RBM19: variants seen among roughly 807,000 people sequenced by gnomAD.
The protein encoded by RBM19 is RNA binding motif protein 19.
Under a neutral mutation model 116.8 loss-of-function variants are expected in RBM19, and 94 were observed. The observed-to-expected ratio is 0.80, with a 90% CI of 0.68 to 0.95. The LOEUF (loss-of-function observed/expected upper bound fraction) is 0.95, where lower values mean the gene tolerates loss of function less well. RBM19 is among the 40% of genes least tolerant of loss of function. The probability of loss-of-function intolerance (pLI) is 0.00; values close to 1 mark genes in which losing one functional copy is unlikely to be tolerated. For synonymous variants in RBM19, 475 were observed against 494.1 expected (o/e 0.96, Z 0.51); for missense variants, 1,161 against 1,220.7 (o/e 0.95, Z 0.73).
intron 21 of RBM19, among the ~76,000 whole-genome samples, chr12:113,867,272 G>A (rs1878887068): frequency 6.6e-6 from 1 of 152,160 alleles, no homozygotes; most frequent in Non-Finnish European, 1.5e-5. Flanking sequence ...ATCATCCCTC[G>A]CCAATCTCCA....
intron 21 of RBM19, among the ~76,000 whole-genome samples, chr12:113,889,844 A>G (rs754720136): frequency 6.6e-5 from 10 of 152,028 alleles, no homozygotes; most frequent in South Asian, 2.1e-4. Flanking sequence ...TCTTCGAGGA[A>G]GAAGGGAAAA....
chr12:113,941,596 TCCATCCATCCATCCAA>T (rs1193507896), intron 14 of RBM19, among the ~76,000 whole-genome samples: 1 of 138,678 alleles, frequency 7.2e-6, no homozygotes. Flanking sequence ...CATCCATCCA[TCCATCCATCCATCCAA>T]CCATCAAGCC....
chr12:113,836,542 G>A (rs964400), intron 23 of RBM19, among the ~76,000 whole-genome samples: 138,429 of 152,088 alleles, frequency 0.91, 63,057 homozygotes, highest in East Asian at 0.99. Flanking sequence ...TTGTCTGCCA[G>A]TAAGGAACCT....
intron 8 of RBM19, among the ~76,000 whole-genome samples, chr12:113,952,132 G>A (rs761545953): frequency 2.6e-5 from 4 of 152,008 alleles, no homozygotes; most frequent in South Asian, 2.1e-4. Context: ...AGGGTGGCAC[G>A]GGGCAACACC....
chr12:113,955,651 A>G (rs1348567491), intron 6 of RBM19, among the ~76,000 whole-genome samples: 1 of 152,020 alleles, frequency 6.6e-6, no homozygotes, highest in Non-Finnish European at 1.5e-5. Flanking sequence ...TTTTCCCACA[A>G]CTCCGGAATC....
chr12:113,906,508 C>T (rs990898719), intron 21 of RBM19, among the ~76,000 whole-genome samples: 1 of 152,178 alleles, frequency 6.6e-6, no homozygotes, highest in African/African-American at 2.4e-5. Flanking sequence ...GCTGGAAATG[C>T]TCTGCCTCTT....
intron 1 of RBM19, among the ~76,000 whole-genome samples, chr12:113,965,251 C>T (rs1264496243): frequency 6.9e-6 from 1 of 145,814 alleles, no homozygotes; most frequent in Non-Finnish European, 1.5e-5. Flanking sequence ...CACCGCAGTC[C>T]AGCCTGGGAG....
At chr12:113,863,933 T>C (rs1878611702) in intron 21 of RBM19, among the ~76,000 whole-genome samples, 1 of 152,210 alleles carries the variant, frequency 6.6e-6, no homozygotes, top group Admixed American at 6.5e-5. Context: ...CACTGGGTAC[T>C]TCCTCAGCGC....
chr12:113,874,647 C>A (rs1280501488), intron 21 of RBM19, among the ~76,000 whole-genome samples: 1 of 152,236 alleles, frequency 6.6e-6, no homozygotes, highest in Non-Finnish European at 1.5e-5. Context: ...TGGAGCCCGC[C>A]AGCCACTGGG....
At chr12:113,961,229 T>C (rs1024818420) in intron 2 of RBM19, among the ~76,000 whole-genome samples, 2 of 152,296 alleles carry the variant, frequency 1.3e-5, no homozygotes, top group Middle Eastern at 3.4e-3. Context: ...TCTTGCTATG[T>C]TGCACAGGCT....
chr12:113,938,598 T>C (rs1458300413), intron 15 of RBM19, among the ~76,000 whole-genome samples: 1 of 152,198 alleles, frequency 6.6e-6, no homozygotes, highest in Non-Finnish European at 1.5e-5. Context: ...CCTAGAAACC[T>C]GTGAACGCGC....
At chr12:113,845,385 C>A (rs1325410097) in intron 22 of RBM19, among the ~76,000 whole-genome samples, 1 of 152,116 alleles carries the variant, frequency 6.6e-6, no homozygotes, top group Non-Finnish European at 1.5e-5. Context: ...ACAGGCTGTT[C>A]CCGCTTACTC....
chr12:113,893,973 G>A (rs570462179), intron 21 of RBM19, among the ~76,000 whole-genome samples: 4 of 151,538 alleles, frequency 2.6e-5, no homozygotes, highest in East Asian at 2.0e-4. Flanking sequence ...CAGTCAGAGC[G>A]CAGGCGAGCA....
chr12:113,862,921 A>G (rs540175989), intron 21 of RBM19, among the ~76,000 whole-genome samples: 19 of 151,678 alleles, frequency 1.3e-4, no homozygotes, highest in Admixed American at 1.2e-3. Context: ...TATTTCATTC[A>G]CCCTGGGTTC....
intron 21 of RBM19, among the ~76,000 whole-genome samples, chr12:113,905,669 C>T (rs1359843276): frequency 6.6e-6 from 1 of 151,794 alleles, no homozygotes; most frequent in Non-Finnish European, 1.5e-5. Context: ...AAGCAACCCA[C>T]AGAATGGGAG....
At chr12:113,916,568 A>T (rs1882787470) in intron 20 of RBM19, among the ~76,000 whole-genome samples, 5 of 152,178 alleles carry the variant, frequency 3.3e-5, no homozygotes, top group Admixed American at 3.3e-4. Flanking sequence ...AGCATACAGC[A>T]GAGGGATGGT....
downstream of RBM19, among the ~76,000 whole-genome samples, chr12:113,821,361 TG>T (rs1319443309): frequency 3.3e-5 from 5 of 152,100 alleles, no homozygotes; most frequent in African/African-American, 9.7e-5. Context: ...GGTGTGGAAA[TG>T]TGAGTACAAA....
At chr12:113,941,555 A>T (rs1870569828) in intron 14 of RBM19, among the ~76,000 whole-genome samples, 1 of 149,074 alleles carries the variant, frequency 6.7e-6, no homozygotes, top group Admixed American at 6.6e-5. Flanking sequence ...CTATCTACCC[A>T]TCCATCCATG....
At chr12:113,819,162 G>A (rs1874258832), downstream of RBM19, among the ~76,000 whole-genome samples, 1 of 152,168 alleles carries the variant, frequency 6.6e-6, no homozygotes. Context: ...CAGCAGATGC[G>A]GTTCCAGCCA....
Sources: allele counts gnomAD v4.1 joint callset (sites outside exome capture counted in the v4.1 genomes callset), GRCh38; gene constraint gnomAD v4.1.1; transcripts MANE v1.5; gene names NCBI Gene and HGNC (gene_info 2026-07-23, HGNC 2026-07-21).